ITFG2: variants seen among roughly 807,000 people sequenced by gnomAD.
The protein encoded by ITFG2 is integrin alpha FG-GAP repeat containing 2, also known as KICSTOR complex protein ITFG2.
ITFG2 carries 36 observed loss-of-function variants against 54.4 expected under a neutral mutation model. The observed-to-expected ratio is 0.66, with a 90% CI of 0.51 to 0.87. ITFG2 has a LOEUF of 0.87. ITFG2 is among the 40% of genes least tolerant of loss of function. The pLI, the probability that ITFG2 is intolerant of heterozygous loss-of-function variation, is 0.00. For missense variants in ITFG2, 524 were observed against 576.7 expected (o/e 0.91, Z 0.94); for synonymous variants, 211 against 225.4 (o/e 0.94, Z 0.57).
downstream of ITFG2, chr12:2,828,167 TA>T: frequency 8.4e-7 from 1 of 1,185,140 alleles, no homozygotes. Flanking sequence ...ACGTGGGGTC[TA>T]AATCCTTGCC....
chr12:2,848,519 T>C (rs991212269), intron 2 of ITFG2, among the ~76,000 whole-genome samples: 1 of 152,148 alleles, frequency 6.6e-6, no homozygotes, highest in Non-Finnish European at 1.5e-5. Context: ...CAACAGGGTG[T>C]GGAGAGGCCG....
At chr12:2,844,882 C>T (rs1026928885) in intron 2 of ITFG2, among the ~76,000 whole-genome samples, 1 of 152,152 alleles carries the variant, frequency 6.6e-6, no homozygotes, top group African/African-American at 2.4e-5. Context: ...CTAAGGGAAG[C>T]CACACATCGA....
chr12:2,818,540 G>C, intron 4 of ITFG2: 1 of 520,060 alleles, frequency 1.9e-6, no homozygotes, highest in Non-Finnish European at 3.3e-6. Flanking sequence ...CCTCTCGCCT[G>C]TGATACCAAC....
intron 2 of ITFG2, chr12:2,857,617 C>T (rs938335864): frequency 6.5e-6 from 1 of 154,442 alleles, no homozygotes; most frequent in Non-Finnish European, 1.4e-5. Context: ...CATCAACACC[C>T]TCTTTCTTTT....
intron 2 of ITFG2, chr12:2,855,277 A>C: frequency 5.3e-6 from 8 of 1,517,196 alleles, no homozygotes; most frequent in Non-Finnish European, 7.1e-6. Context: ...AGGGTGGATG[A>C]GCCGCTGACG....
In ITFG2 at chr12:2,845,544, G is replaced by T. The variant is rs937517980; in HGVS notation, n.300+4549G>T. ...GTGGAGGGAGGGGAGTTTTTGGCCC[G>T]GAAATGGCTGGGAAGACTTCCTTTG... On this transcript the variant is annotated intron_variant and non_coding_transcript_variant, in intron 2 of 3. Transcript: ENST00000537710. The surrounding 1 kb of genome is among the most constrained non-coding windows in gnomAD (Gnocchi z 4.2). Among the ~76,000 whole-genome samples, 1 of 152,144 alleles carries T rather than the reference G, an allele frequency of 6.6e-6. No individual in the cohort carries two copies. Among genetic ancestry groups the T allele is most frequent in the Non-Finnish European group, 1.5e-5 (1 of 68,022 alleles).
intron 2 of ITFG2, among the ~76,000 whole-genome samples, chr12:2,854,567 G>A (rs1016072983): frequency 2.6e-5 from 4 of 152,146 alleles, no homozygotes; most frequent in Admixed American, 1.3e-4. Flanking sequence ...CGCACTCTGG[G>A]CCCTTTGCAT....
chr12:2,812,863 G>T lies in ITFG2; in HGVS notation c.96+7G>T, dbSNP rs769325454. 5 of 1,603,332 alleles carry T rather than the reference G, an allele frequency of 3.1e-6. No individual in the cohort carries two copies. Among genetic ancestry groups the T allele is most frequent in the Non-Finnish European group, 4.3e-6 (5 of 1,172,354 alleles). On this transcript the variant is annotated splice_region_variant and intron_variant, in intron 1 of 11. Coordinates refer to ENST00000228799, the MANE Select transcript of ITFG2 (RefSeq NM_018463.4). Reference sequence around the variant, plus strand: ...AGACGTTGATAACGATACGGTAGGTGCATGCGCACCGCAAGAGACAGCCTG... The same window carrying T: ...AGACGTTGATAACGATACGGTAGGTTCATGCGCACCGCAAGAGACAGCCTG...
In ITFG2 at chr12:2,821,594, A is replaced by T. The variant is rs1448154913; in HGVS notation, c.845A>T (p.Asp282Val). The T allele has an allele frequency of 6.2e-7, 1 of 1,614,112 alleles. No individual in the cohort carries two copies. The change falls in exon 8 of 12, where the codon GAT (aspartate) becomes GTT (valine). Residue 282 changes from aspartate to valine, a missense_variant and splice_region_variant. Transcript: ENST00000228799. ...GGCCTCTTTGCCCTGTGCACCCTGG[A>T]TGGTGAGCAATGCTAGGATGGGGTG... ...GSGLFALCTL[D>V]GTLKLMEEME... is the part of the protein sequence containing the mutation.
downstream of ITFG2, chr12:2,828,405 G>A: frequency 6.2e-7 from 1 of 1,613,976 alleles, no homozygotes; most frequent in Non-Finnish European, 8.5e-7. Flanking sequence ...CTAAGCAGCT[G>A]GTCCTGGCAC....
intron 3 of ITFG2, 66 bp from the exon 4 acceptor site, chr12:2,818,040 G>C: frequency 6.2e-7 from 1 of 1,609,104 alleles, no homozygotes; most frequent in Non-Finnish European, 8.5e-7. Context: ...TCTGTGATCT[G>C]ATGATCAGGC....
At chr12:2,849,207 C>T (rs1047897554) in intron 2 of ITFG2, 138 of 1,522,914 alleles carry the variant, frequency 9.1e-5, no homozygotes, top group Non-Finnish European at 1.1e-4. Context: ...CTGGGTATCA[C>T]GATCGTCCCC....
At chr12:2,823,633 G>C in intron 10 of ITFG2, 137 bp from the exon 11 acceptor site, 1 of 1,098,592 alleles carries the variant, frequency 9.1e-7, no homozygotes, top group Admixed American at 2.5e-5. Context: ...CAACAGAGAA[G>C]AAATAACCTT....
chr12:2,840,825 A>AT lies in ITFG2; in HGVS notation n.147-5dup, dbSNP rs146290451. ...AAATTCTAAATAAAATCCAAATACA[A>AT]TTTTTTTTTTTTGTAGAAAAAAGAG... On this transcript the variant is annotated splice_polypyrimidine_tract_variant and intron_variant and non_coding_transcript_variant, in intron 1 of 3. Coordinates refer to the ITFG2 transcript ENST00000537710. The AT allele has an allele frequency of 3.5e-3, 515 of 147,654 alleles. 2 individuals carry two copies. Among genetic ancestry groups the AT allele is most frequent in the East Asian group, 8.1e-3 (41 of 5,062 alleles). The allele number at this position is 147,654 out of a possible 1,614,324, so 9.1% of individuals were successfully genotyped here. A position where few individuals can be genotyped will look rare whatever the true frequency, so the allele number is the denominator to read the frequency against.
At chr12:2,817,098 T>C (rs988421340) in intron 1 of ITFG2, 125 bp from the exon 2 acceptor site, 4 of 634,044 alleles carry the variant, frequency 6.3e-6, no homozygotes, top group African/African-American at 3.7e-5. Flanking sequence ...GGCCAGACTT[T>C]TAATAAAGTA....
intron 2 of ITFG2, chr12:2,830,724 A>G (rs2097997202): frequency 1.2e-6 from 2 of 1,612,392 alleles, no homozygotes; most frequent in Middle Eastern, 1.7e-4. Context: ...GTTGACCAGA[A>G]GAGCTGGAAT....
At chr12:2,854,922 G>A in intron 2 of ITFG2, 1 of 1,535,634 alleles carries the variant, frequency 6.5e-7, no homozygotes, top group Non-Finnish European at 8.7e-7. Context: ...GCGGCTGGAT[G>A]TTGCCCTGGG....
chr12:2,817,179 C>T, intron 1 of ITFG2, 44 bp from the exon 2 acceptor site: 2 of 1,320,430 alleles, frequency 1.5e-6, no homozygotes, highest in Non-Finnish European at 2.2e-6. Context: ...TGAAGAGGTT[C>T]AGCAGAGTCC....
intron 2 of ITFG2, chr12:2,848,987 G>A (rs1813660629): frequency 2.0e-6 from 1 of 497,622 alleles, no homozygotes; most frequent in Admixed American, 3.7e-5. Context: ...CAGCCTCCTG[G>A]CCGCAGTCCT....
Sources: allele counts gnomAD v4.1 joint callset (sites outside exome capture counted in the v4.1 genomes callset), GRCh38; gene constraint gnomAD v4.1.1; non-coding constraint Gnocchi (gnomAD v3.1); transcripts MANE v1.5; gene names NCBI Gene and HGNC (gene_info 2026-07-23, HGNC 2026-07-21).